Variants in SLC44A5 observed in about 807,000 individuals in gnomAD.
SLC44A5 encodes solute carrier family 44 member 5, also known as choline transporter-like protein 5.
Under a neutral mutation model 101.8 loss-of-function variants are expected in SLC44A5, and 57 were observed. The observed-to-expected ratio is 0.56, with a 90% CI of 0.45 to 0.70. The LOEUF (loss-of-function observed/expected upper bound fraction) is 0.70, where lower values mean the gene tolerates loss of function less well. Among genes scored for constraint, SLC44A5 ranks in the 30% least tolerant of loss-of-function variants. The pLI is 0.00. For synonymous variants in SLC44A5, 281 were observed against 290.9 expected (o/e 0.97, Z 0.35); for missense variants, 737 against 853.1 (o/e 0.86, Z 1.70).
rs17096508 is a variant in SLC44A5 at position 75,236,989 on chromosome 1, G to C, written c.738C>G (p.Leu246=). ...EDYARTWYWI[L]IGLTIAMVLS... ...AACATCTATGTGTTTTCACTTACAT[G>C]AGAATCCAATACCAAGTTCTTGCAT... Residue 246 remains leucine (L), a splice_region_variant and synonymous_variant, in exon 11 of 24, where the codon CTC becomes CTG. Transcript: ENST00000370859. 1 of 1,570,974 alleles carries C rather than the reference G, an allele frequency of 6.4e-7. No homozygotes were observed. Among genetic ancestry groups the C allele is most frequent in the Non-Finnish European group, 8.7e-7 (1 of 1,145,038 alleles).
chr1:75,661,409 A>AC, the SLC44A5 span, among the ~76,000 whole-genome samples: 1 of 149,780 alleles, frequency 6.7e-6, no homozygotes, highest in Non-Finnish European at 1.5e-5. Flanking sequence ...AAAAAAAAAA[A>AC]AAAAAACACC....
chr1:75,700,070 C>A, the SLC44A5 span, among the ~76,000 whole-genome samples: 2 of 152,080 alleles, frequency 1.3e-5, no homozygotes, highest in Non-Finnish European at 2.9e-5. Flanking sequence ...GACTTTAACA[C>A]CCCGCTGTCA....
chr1:75,480,139 CA>C (rs1389229106), intron 2 of SLC44A5, among the ~76,000 whole-genome samples: 17 of 152,182 alleles, frequency 1.1e-4, no homozygotes, highest in African/African-American at 3.9e-4. Context: ...TAAACAGAAC[CA>C]ATGACAAAAA....
chr1:75,563,281 C>T (rs1036079521), intron 1 of SLC44A5, among the ~76,000 whole-genome samples: 1 of 151,914 alleles, frequency 6.6e-6, no homozygotes, highest in Non-Finnish European at 1.5e-5. Context: ...GACCCATTTC[C>T]TTACTAGCAT....
chr1:75,419,123 TCTAATG>T (rs1663841135), intron 2 of SLC44A5, among the ~76,000 whole-genome samples: 2 of 152,052 alleles, frequency 1.3e-5, no homozygotes, highest in African/African-American at 4.8e-5. Context: ...ATATCAAGAA[TCTAATG>T]CTATTAAGTG....
At chr1:75,363,032 C>T (rs955474167) in intron 3 of SLC44A5, among the ~76,000 whole-genome samples, 3 of 151,958 alleles carry the variant, frequency 2.0e-5, no homozygotes, top group African/African-American at 7.2e-5. Flanking sequence ...CATATCCTCT[C>T]GATAAATTGG....
the SLC44A5 span, among the ~76,000 whole-genome samples, chr1:75,703,524 G>C: frequency 9.2e-5 from 14 of 151,940 alleles, no homozygotes; most frequent in Admixed American, 9.2e-4. Context: ...GGTGGGGCGA[G>C]GGGGGAGGGA....
At chr1:75,285,528 C>G (rs1459999533) in intron 5 of SLC44A5, among the ~76,000 whole-genome samples, 1 of 151,536 alleles carries the variant, frequency 6.6e-6, no homozygotes, top group African/African-American at 2.4e-5. Flanking sequence ...TTGGTTTGTT[C>G]TTGTTTCTCT....
intron 2 of SLC44A5, among the ~76,000 whole-genome samples, chr1:75,450,432 T>C (rs1322136754): frequency 6.6e-6 from 1 of 152,216 alleles, no homozygotes; most frequent in Non-Finnish European, 1.5e-5. Context: ...CTGGCAGCAT[T>C]GCCATGTAGG....
chr1:75,448,651 A>T (rs182452665), intron 2 of SLC44A5, among the ~76,000 whole-genome samples: 1 of 152,326 alleles, frequency 6.6e-6, no homozygotes, highest in Non-Finnish European at 1.5e-5. Context: ...CCACTGCCAC[A>T]GACCTTGTCT....
the SLC44A5 span, among the ~76,000 whole-genome samples, chr1:75,626,578 G>T: frequency 6.6e-6 from 1 of 152,114 alleles, no homozygotes; most frequent in South Asian, 2.1e-4. Context: ...AATTTTTGAT[G>T]AATTCTATTT....
the SLC44A5 span, among the ~76,000 whole-genome samples, chr1:75,669,850 T>A: frequency 2.0e-5 from 3 of 152,332 alleles, no homozygotes; most frequent in South Asian, 4.1e-4. Context: ...TCTATATACA[T>A]CTTTCACCTT....
the SLC44A5 span, among the ~76,000 whole-genome samples, chr1:75,682,574 C>T: frequency 6.6e-6 from 1 of 151,906 alleles, no homozygotes; most frequent in African/African-American, 2.4e-5. Flanking sequence ...GAAACTGGAT[C>T]CCTTCCTTAC....
At chr1:75,291,741 T>A (rs1292143451) in intron 5 of SLC44A5, among the ~76,000 whole-genome samples, 1 of 151,938 alleles carries the variant, frequency 6.6e-6, no homozygotes, top group Non-Finnish European at 1.5e-5. Flanking sequence ...GCCGGGCACG[T>A]TGGCTCACAC....
the SLC44A5 span, among the ~76,000 whole-genome samples, chr1:75,678,705 C>T: frequency 6.6e-6 from 1 of 151,620 alleles, no homozygotes; most frequent in Non-Finnish European, 1.5e-5. Flanking sequence ...ATCAGAGCGC[C>T]TCTCCTCCTC....
chr1:75,501,830 T>G (rs1233885842), intron 2 of SLC44A5, among the ~76,000 whole-genome samples: 1 of 152,182 alleles, frequency 6.6e-6, no homozygotes, highest in African/African-American at 2.4e-5. Context: ...CAGATGCCAA[T>G]GAATAATGCC....
At chr1:75,351,403 A>C (rs1198217489) in intron 3 of SLC44A5, among the ~76,000 whole-genome samples, 1 of 152,134 alleles carries the variant, frequency 6.6e-6, no homozygotes, top group African/African-American at 2.4e-5. Flanking sequence ...ACCTTATATC[A>C]GGCACAAAAA....
Position 75,527,190 on chromosome 1 carries a change from AGAAG to A in SLC44A5, c.13+14241_13+14244del, listed in dbSNP as rs1331203067. ...GAAAAAGAAAAGGAAAGAAAAAAAG[AGAAG>A]GAAGGAAGGGAGTGAAGGAGGGAGG... On this transcript the variant is annotated intron_variant, in intron 2 of 23. Transcript: ENST00000370859. 2.6e-5 allele frequency among the ~76,000 whole-genome samples: 4 copies of A among 151,568 alleles called. No individual in the cohort carries two copies. In the South Asian group the frequency reaches 8.3e-4, roughly 32 times the overall value.
intron 21 of SLC44A5, 38 bp from the exon 22 acceptor site, chr1:75,213,831 G>T (rs1358948740): frequency 3.2e-6 from 5 of 1,557,604 alleles, no homozygotes; most frequent in Non-Finnish European, 4.4e-6. Flanking sequence ...TTATACTTTT[G>T]CAAAAGAATA....
Sources: allele counts gnomAD v4.1 joint callset (sites outside exome capture counted in the v4.1 genomes callset), GRCh38; gene constraint gnomAD v4.1.1; transcripts MANE v1.5; gene names NCBI Gene and HGNC (gene_info 2026-07-23, HGNC 2026-07-21).